TAF1B: variants seen among roughly 807,000 people sequenced by gnomAD.
The protein encoded by TAF1B is TATA-box binding protein associated factor, RNA polymerase I subunit B.
A neutral mutation model predicts 83.9 loss-of-function variants in TAF1B; 61 were observed. The observed-to-expected ratio is 0.73, with a 90% confidence interval of 0.59 to 0.90. The LOEUF is 0.90. Among genes scored for constraint, TAF1B ranks in the 40% least tolerant of loss-of-function variants. The pLI is 0.00. For synonymous variants in TAF1B, 221 were observed against 224.6 expected, an observed-to-expected ratio of 0.98 and a Z score of 0.14; for missense variants, 625 against 677.0, an observed-to-expected ratio of 0.92 and a Z score of 0.85.
chr2:9,920,247 A>G (rs1665829755), intron 14 of TAF1B, among the ~76,000 whole-genome samples: 2 of 152,168 alleles, frequency 1.3e-5, no homozygotes, highest in Admixed American at 1.3e-4. Flanking sequence ...TAATACTGAT[A>G]CGATACCTTT....
chr2:9,883,415 T>C (rs771215916), intron 8 of TAF1B, among the ~76,000 whole-genome samples: 10 of 152,324 alleles, frequency 6.6e-5, no homozygotes, highest in Non-Finnish European at 1.2e-4. Flanking sequence ...ATCATTTTCA[T>C]AGAACTTCAT....
Position 9,850,993 on chromosome 2 carries a change from T to C in TAF1B, c.206-548T>C, listed in dbSNP as rs575680757. 2.6e-5 allele frequency among the ~76,000 whole-genome samples: 4 copies of C among 152,342 alleles called. No individual in the cohort carries two copies. In the South Asian group the frequency reaches 8.3e-4, roughly 32 times the overall value. ...GCAGTTTATTTTCTTTGAATGTTCTTACTGCCCTTTTCTATACTCCGGTAT... is the reference window on the plus strand; with the variant it reads ...GCAGTTTATTTTCTTTGAATGTTCTCACTGCCCTTTTCTATACTCCGGTAT... On this transcript the variant is annotated intron_variant, in intron 3 of 14. Transcript: ENST00000263663.
intron 5 of TAF1B, among the ~76,000 whole-genome samples, chr2:9,864,907 T>C (rs953353923): frequency 6.6e-6 from 1 of 152,202 alleles, no homozygotes; most frequent in Non-Finnish European, 1.5e-5. Context: ...TGTTAAAAAC[T>C]CTCAATAAAT....
rs553661557 is a variant in TAF1B, at chr2:9,899,844, G to A, written c.808-5015G>A. On this transcript the variant is annotated intron_variant, in intron 8 of 14. Coordinates refer to ENST00000263663, the MANE Select transcript of TAF1B (RefSeq NM_005680.3). The stretch of plus-strand genomic sequence containing the variant: ...ACATATTTGCAAAATTAGGATTGAA[G>A]CATGTATACAAATTTGTCTCCTGCA... Among the ~76,000 whole-genome samples the A allele has an allele frequency of 5.6e-4, 86 of 152,252 alleles. 3 individuals carry two copies. The highest frequency in any genetic ancestry group is 5.6e-3 in the Admixed American group (86 of 15,296).
chr2:9,912,778 T>C (rs887709205), intron 11 of TAF1B, among the ~76,000 whole-genome samples: 1 of 152,212 alleles, frequency 6.6e-6, no homozygotes, highest in Non-Finnish European at 1.5e-5. Flanking sequence ...GAACCGTGAG[T>C]TCTATTGATT....
chr2:9,884,492 A>C (rs1248468401), intron 8 of TAF1B, among the ~76,000 whole-genome samples: 6 of 152,218 alleles, frequency 3.9e-5, no homozygotes, highest in Non-Finnish European at 8.8e-5. Flanking sequence ...CGAGATGAAG[A>C]GGAGCTTTAT....
chr2:9,908,444 G>T (rs1243937286), intron 9 of TAF1B, among the ~76,000 whole-genome samples: 2 of 152,152 alleles, frequency 1.3e-5, no homozygotes, highest in Non-Finnish European at 2.9e-5. Flanking sequence ...TATCTGAGAA[G>T]AGACTGTAGC....
intron 9 of TAF1B, among the ~76,000 whole-genome samples, chr2:9,908,009 G>A (rs1345838191): frequency 2.8e-5 from 4 of 141,150 alleles, no homozygotes; most frequent in African/African-American, 1.1e-4. Flanking sequence ...CATAAGCGGA[G>A]CAGTTCAAGA....
chr2:9,909,521 T>A (rs185019554), intron 9 of TAF1B, among the ~76,000 whole-genome samples: 6,685 of 152,280 alleles, frequency 0.044, 193 homozygotes, highest in Non-Finnish European at 0.066. Flanking sequence ...ATGGCTTGTT[T>A]GGGGGAACTA....
At position 9,913,372 on chromosome 2, in the gene TAF1B, T is replaced by G. The variant is rs1444521338; in HGVS notation, c.1271+123T>G. ...ATTGTGACTTTTTTTTCTGGAAATA[T>G]TAGCCCTACACTCTAATTAACTTTT... is the stretch of plus-strand genomic sequence containing the variant. On this transcript the variant is annotated intron_variant, in intron 12 of 14. Transcript: ENST00000263663. 30 of 696,390 alleles carry G rather than the reference T, an allele frequency of 4.3e-5. No homozygotes were observed. In the East Asian group the frequency reaches 7.8e-4, roughly 18 times the overall value. 43.1% of individuals were successfully genotyped at this position (696,390 alleles called of 1,614,324 possible).
At chr2:9,888,304 C>G (rs1664740994) in intron 8 of TAF1B, among the ~76,000 whole-genome samples, 1 of 136,454 alleles carries the variant, frequency 7.3e-6, no homozygotes. Flanking sequence ...TACCTTAATG[C>G]ATTGGGATTT....
At chr2:9,851,509 G>A (rs1572212502) in intron 3 of TAF1B, 32 bp from the exon 4 acceptor site, 7 of 1,514,720 alleles carry the variant, frequency 4.6e-6, no homozygotes, top group African/African-American at 1.4e-5. Flanking sequence ...AATTAGGAAT[G>A]TATATGCTAA....
chr2:9,861,544 A>G (rs1042168112), intron 5 of TAF1B, among the ~76,000 whole-genome samples: 15 of 152,378 alleles, frequency 9.8e-5, no homozygotes, highest in African/African-American at 3.4e-4. Context: ...AACAAAAGGC[A>G]GCAGTAACCT....
At chr2:9,913,029 A>G (rs1665578765) in intron 11 of TAF1B, 130 bp from the exon 12 acceptor site, 1 of 660,790 alleles carries the variant, frequency 1.5e-6, no homozygotes, top group African/African-American at 1.8e-5. Context: ...TGTCTCTCTA[A>G]TGTCTACATC....
intron 1 of TAF1B, chr2:9,843,791 G>A: frequency 2.0e-6 from 1 of 497,468 alleles, no homozygotes; most frequent in South Asian, 2.8e-5. Context: ...GGGGAGGGAG[G>A]GTGTGGTGTT....
chr2:9,927,022 G>GCCCCCCCCCCCCCCACCAGC, intron 14 of TAF1B, among the ~76,000 whole-genome samples: 1 of 135,930 alleles, frequency 7.4e-6, no homozygotes, highest in Non-Finnish European at 1.5e-5. Flanking sequence ...CCCTCCCCCT[G>GCCCCCCCCCCCCCCACCAGC]CCCCCACCCC....
chr2:9,920,560 T>A lies in TAF1B; in HGVS notation c.1565+740T>A, dbSNP rs536475560. ...CCTCAGGGTATCATTTCTCAGGGTATGGCGTCTGTAGACTGGGGCGGGGGG... is the reference window on the plus strand; with the variant it reads ...CCTCAGGGTATCATTTCTCAGGGTAAGGCGTCTGTAGACTGGGGCGGGGGG... On this transcript the variant is annotated intron_variant, in intron 14 of 14. Coordinates refer to ENST00000263663, the MANE Select transcript of TAF1B (RefSeq NM_005680.3). 2.4e-5 allele frequency among the ~76,000 whole-genome samples: 3 copies of A among 124,038 alleles called. No individual in the cohort carries two copies. In the East Asian group the frequency reaches 8.4e-4, roughly 35 times the overall value. The allele number at this position is 124,038 out of a possible 152,430, so 81.4% of individuals were successfully genotyped here. A position where few individuals can be genotyped will look rare whatever the true frequency, so the allele number is the denominator to read the frequency against.
At chr2:9,919,462 A>T in intron 13 of TAF1B, 136 bp from the exon 14 acceptor site, 1 of 726,098 alleles carries the variant, frequency 1.4e-6, no homozygotes, top group Non-Finnish European at 2.3e-6. Flanking sequence ...CCTTAACGTT[A>T]TCCTGTTACA....
intron 8 of TAF1B, among the ~76,000 whole-genome samples, chr2:9,894,202 G>A (rs1157880251): frequency 6.6e-6 from 1 of 151,724 alleles, no homozygotes; most frequent in African/African-American, 2.4e-5. Context: ...TGTGTTTATT[G>A]ATTACATGAT....
Sources: gnomAD v4.1 joint callset for allele counts (sites outside exome capture counted in the v4.1 genomes callset) on GRCh38, gnomAD v4.1.1 for gene constraint, MANE v1.5 for transcripts, NCBI Gene and HGNC (gene_info 2026-07-23, HGNC 2026-07-21) for gene names.